Variants in SEMA6D observed in about 807,000 individuals in gnomAD.
The protein encoded by SEMA6D is semaphorin 6D.
Under a neutral mutation model 106.6 loss-of-function variants are expected in SEMA6D, and 35 were observed. The observed-to-expected ratio is 0.33, with a 90% CI of 0.25 to 0.44. The LOEUF (loss-of-function observed/expected upper bound fraction) is 0.44, where lower values mean the gene tolerates loss of function less well. Ranked by LOEUF, SEMA6D falls within the 20% of genes least tolerant of loss-of-function variation. The probability of loss-of-function intolerance (pLI) is 1.00; values close to 1 mark genes in which losing one functional copy is unlikely to be tolerated. For missense variants in SEMA6D, 1,185 were observed against 1,345.9 expected (o/e 0.88, Z 1.87); for synonymous variants, 499 against 487.7 (o/e 1.02, Z -0.31).
In SEMA6D at chr15:47,612,419, C is replaced by A. The variant is rs151267281; in HGVS notation, c.-55+11523C>A. ...ATTTCTTCCTTTGGGGCAAAGTTAA[C>A]ACAGTACATTATTACATTAGAGAGT... On this transcript the variant is annotated intron_variant, in intron 4 of 19. Coordinates refer to the SEMA6D transcript ENST00000558014. 4.9e-3 allele frequency among the ~76,000 whole-genome samples: 741 copies of A among 152,298 alleles called. 3 individuals carry two copies. The highest frequency in any genetic ancestry group is 0.016 in the African/African-American group (681 of 41,558).
At chr15:47,571,980 C>T (rs1281120789) in intron 3 of SEMA6D, among the ~76,000 whole-genome samples, 3 of 152,130 alleles carry the variant, frequency 2.0e-5, no homozygotes, top group African/African-American at 4.8e-5. Flanking sequence ...CTATCCAGTA[C>T]TTAGTTTAAA....
intron 1 of SEMA6D, among the ~76,000 whole-genome samples, chr15:47,316,529 G>A (rs2036687339): frequency 6.6e-6 from 1 of 150,862 alleles, no homozygotes; most frequent in African/African-American, 2.5e-5. Context: ...GATGTTAGCT[G>A]TAGGATTTTT....
chr15:47,387,803 T>C (rs1283221442), intron 1 of SEMA6D, among the ~76,000 whole-genome samples: 1 of 152,214 alleles, frequency 6.6e-6, no homozygotes, highest in African/African-American at 2.4e-5. Context: ...CTCTGCATCA[T>C]TGGAGAAGTC....
At chr15:47,277,368 C>G (rs1278594187) in intron 1 of SEMA6D, among the ~76,000 whole-genome samples, 1 of 151,852 alleles carries the variant, frequency 6.6e-6, no homozygotes, top group Non-Finnish European at 1.5e-5. Context: ...AAGTGAGAGT[C>G]AATCCATGCA....
At chr15:47,610,792 A>G (rs2093275698) in intron 4 of SEMA6D, among the ~76,000 whole-genome samples, 1 of 152,240 alleles carries the variant, frequency 6.6e-6, no homozygotes, top group African/African-American at 2.4e-5. Flanking sequence ...ATAGTTAATA[A>G]GCTGCAGAAA....
rs577703065 is a variant in SEMA6D at position 47,561,637 on chromosome 15, T to A, written c.-86-39228T>A. On this transcript the variant is annotated intron_variant, in intron 3 of 19. Transcript: ENST00000558014. The stretch of plus-strand genomic sequence containing the variant: ...AGGTAAATAGAAACAATTCTATAAA[T>A]GTGTTTTTCAATTTTTTAAGGGTAT... Among the ~76,000 whole-genome samples, 737 of 151,382 alleles carry A rather than the reference T, an allele frequency of 4.9e-3. 11 individuals carry two copies. Among genetic ancestry groups the A allele is most frequent in the African/African-American group, 0.017 (705 of 41,272 alleles).
At chr15:47,390,547 C>T (rs747121553) in intron 1 of SEMA6D, among the ~76,000 whole-genome samples, 6 of 147,528 alleles carry the variant, frequency 4.1e-5, no homozygotes, top group Non-Finnish European at 8.9e-5. Flanking sequence ...TTGAATTGCT[C>T]ACCTTGAACC....
At chr15:47,384,378 C>G (rs1235057060) in intron 1 of SEMA6D, among the ~76,000 whole-genome samples, 1 of 152,206 alleles carries the variant, frequency 6.6e-6, no homozygotes, top group Non-Finnish European at 1.5e-5. Context: ...TCTCTTTTCC[C>G]TGAAACATCT....
intron 2 of SEMA6D, among the ~76,000 whole-genome samples, chr15:47,445,076 G>GTT (rs1233547066): frequency 4.6e-5 from 7 of 152,092 alleles, no homozygotes; most frequent in African/African-American, 1.7e-4. Flanking sequence ...ATCATCCCCA[G>GTT]CCAAACTCCT....
intron 3 of SEMA6D, among the ~76,000 whole-genome samples, chr15:47,495,954 T>C (rs1310755087): frequency 6.6e-6 from 1 of 152,078 alleles, no homozygotes; most frequent in Non-Finnish European, 1.5e-5. Context: ...AATGAGGTTG[T>C]TAAACTAATC....
intron 4 of SEMA6D, among the ~76,000 whole-genome samples, chr15:47,676,876 T>C (rs2078256602): frequency 6.6e-6 from 1 of 151,914 alleles, no homozygotes; most frequent in Non-Finnish European, 1.5e-5. Context: ...AAAGCAGCAG[T>C]CTCCAACCTT....
intron 1 of SEMA6D, among the ~76,000 whole-genome samples, chr15:47,239,493 T>G (rs1046140083): frequency 3.9e-5 from 6 of 152,160 alleles, no homozygotes; most frequent in African/African-American, 1.2e-4. Flanking sequence ...GACAACTGCT[T>G]TAATAGAAAT....
chr15:47,543,744 C>T (rs2045431489), intron 3 of SEMA6D, among the ~76,000 whole-genome samples: 2 of 152,072 alleles, frequency 1.3e-5, no homozygotes, highest in Non-Finnish European at 2.9e-5. Flanking sequence ...CTCTGGAATA[C>T]TATAACTGTT....
chr15:47,271,418 A>C (rs748812231), intron 1 of SEMA6D, among the ~76,000 whole-genome samples: 70 of 152,282 alleles, frequency 4.6e-4, no homozygotes, highest in Non-Finnish European at 8.8e-4. Flanking sequence ...CTAGGTAAAT[A>C]AAAGTGTGTG....
chr15:47,401,807 C>G (rs189698174), intron 1 of SEMA6D, among the ~76,000 whole-genome samples: 1 of 152,220 alleles, frequency 6.6e-6, no homozygotes, highest in South Asian at 2.1e-4. Flanking sequence ...TCTTCTCTTA[C>G]TTTTTAAGTC....
At chr15:47,184,744 C>A (rs955827599) in intron 1 of SEMA6D, among the ~76,000 whole-genome samples, 67 of 152,340 alleles carry the variant, frequency 4.4e-4, no homozygotes, top group Non-Finnish European at 9.0e-4. Flanking sequence ...CGTGGCCCCA[C>A]CTCTTGCCCC....
chr15:47,623,618 C>G (rs2077148721), intron 4 of SEMA6D, among the ~76,000 whole-genome samples: 1 of 152,160 alleles, frequency 6.6e-6, no homozygotes, highest in Non-Finnish European at 1.5e-5. Context: ...TAAGTCAGAT[C>G]AGTTTCATTT....
chr15:47,637,455 A>G (rs2077409369), intron 4 of SEMA6D, among the ~76,000 whole-genome samples: 2 of 152,182 alleles, frequency 1.3e-5, no homozygotes, highest in South Asian at 4.1e-4. Context: ...CTTGGCTGAT[A>G]GAGGATACAC....
intron 3 of SEMA6D, among the ~76,000 whole-genome samples, chr15:47,491,457 G>A (rs776215704): frequency 3.3e-4 from 50 of 150,558 alleles, no homozygotes; most frequent in Non-Finnish European, 1.6e-4. Flanking sequence ...GCAAAAATAA[G>A]CAATACATTT....
Sources: allele counts gnomAD v4.1 joint callset (sites outside exome capture counted in the v4.1 genomes callset), GRCh38; gene constraint gnomAD v4.1.1; transcripts MANE v1.5; gene names NCBI Gene and HGNC (gene_info 2026-07-23, HGNC 2026-07-21).